The following LRRIQ1 variants were observed in gnomAD, a reference collection of about 807,000 sequenced individuals.
LRRIQ1 encodes leucine rich repeats and IQ motif containing 1, also known as leucine-rich repeat- and IQ domain-containing protein 1.
LRRIQ1 carries 210 observed loss-of-function variants against 211.9 expected under a neutral mutation model. That is an observed-to-expected ratio of 0.99 (90% CI 0.89 to 1.11). LRRIQ1 has a LOEUF of 1.11. Ranked by LOEUF, LRRIQ1 falls within the 50% of genes most tolerant of loss-of-function variation. The pLI, the probability that LRRIQ1 is intolerant of heterozygous loss-of-function variation, is 0.00. For synonymous variants in LRRIQ1, 699 were observed against 650.1 expected (o/e 1.08, Z -1.14); for missense variants, 2,136 against 1,939.5 (o/e 1.10, Z -1.90).
At chr12:85,194,757 A>G (rs1892799052) in intron 24 of LRRIQ1, among the ~76,000 whole-genome samples, 1 of 152,142 alleles carries the variant, frequency 6.6e-6, no homozygotes, top group South Asian at 2.1e-4. Context: ...ATCACAATTG[A>G]AAGAACTAGA....
downstream of LRRIQ1, among the ~76,000 whole-genome samples, chr12:85,247,388 A>G (rs1480603550): frequency 6.6e-6 from 1 of 151,564 alleles, no homozygotes; most frequent in African/African-American, 2.4e-5. Context: ...TACTTTGTGG[A>G]CTACAGCTGT....
intron 11 of LRRIQ1, among the ~76,000 whole-genome samples, chr12:85,085,233 G>A (rs1233194651): frequency 6.6e-6 from 1 of 152,202 alleles, no homozygotes; most frequent in South Asian, 2.1e-4. Context: ...TCGCAGTTCC[G>A]CACAGCTGGA....
At chr12:85,270,102 ATCACATGGAGGATTAGAGTT>A in the LRRIQ1 span, among the ~76,000 whole-genome samples, 1 of 152,070 alleles carries the variant, frequency 6.6e-6, no homozygotes, top group Non-Finnish European at 1.5e-5. Flanking sequence ...TCCAAGTACC[ATCACATGGAGGATTAGAGTT>A]TCACCATAAT....
chr12:85,137,521 T>C (rs576788047), intron 18 of LRRIQ1, among the ~76,000 whole-genome samples: 4 of 151,782 alleles, frequency 2.6e-5, no homozygotes, highest in African/African-American at 9.6e-5. Context: ...AAATGGGTTT[T>C]GCTTTGTATC....
At chr12:85,179,578 T>C (rs978739505) in intron 24 of LRRIQ1, among the ~76,000 whole-genome samples, 3 of 151,930 alleles carry the variant, frequency 2.0e-5, no homozygotes, top group African/African-American at 4.8e-5. Context: ...TCCTTGTACT[T>C]TCCTCCCCAT....
intron 24 of LRRIQ1, among the ~76,000 whole-genome samples, chr12:85,216,570 T>C (rs1156916694): frequency 6.6e-6 from 1 of 151,308 alleles, no homozygotes; most frequent in Non-Finnish European, 1.5e-5. Flanking sequence ...ACATAGTATA[T>C]GTAAAATTTT....
In LRRIQ1 at chr12:85,152,360, T is replaced by A; in HGVS notation, c.4410T>A (p.His1470Gln). 6.2e-7 allele frequency: 1 copy of A among 1,610,576 alleles called. No homozygotes were observed. The highest frequency in any genetic ancestry group is 8.5e-7 in the Non-Finnish European group (1 of 1,177,848). The change falls in exon 20 of 27, where the codon CAT (histidine) becomes CAA (glutamine). Residue 1470 changes from histidine to glutamine, a missense_variant. By Grantham distance (24) the His-to-Gln change is conservative. Transcript: ENST00000393217. ...CACTGCTTCTTTCAAACCAGCTGCA[T>A]TGGCCAAAGGTAACATGTCATGGAA... ...SQTLLLSNQL[H>Q]WPKIPGNLKW...
Position 85,154,293 on chromosome 12 carries a change from T to C in LRRIQ1, c.4720+199T>C, listed in dbSNP as rs527594777. Among the ~76,000 whole-genome samples, 416 of 136,558 alleles carry C rather than the reference T, an allele frequency of 3.0e-3. 1 individual carries two copies. Among genetic ancestry groups the C allele is most frequent in the Non-Finnish European group, 5.8e-3 (357 of 61,594 alleles). 89.6% of individuals were successfully genotyped at this position (136,558 alleles called of 152,430 possible). A position where few individuals can be genotyped will look rare whatever the true frequency, so the allele number is the denominator to read the frequency against. ...GAATGATTTATACTCTTAAACACTATTTTTACTTTTTCGGCTCTTTCTTAT... is the reference window on the plus strand; with the variant it reads ...GAATGATTTATACTCTTAAACACTACTTTTACTTTTTCGGCTCTTTCTTAT... On this transcript the variant is annotated intron_variant, in intron 23 of 26. Coordinates refer to ENST00000393217, the MANE Select transcript of LRRIQ1 (RefSeq NM_001079910.2).
intron 24 of LRRIQ1, among the ~76,000 whole-genome samples, chr12:85,221,356 A>G (rs1894395152): frequency 6.6e-6 from 1 of 152,182 alleles, no homozygotes; most frequent in South Asian, 2.1e-4. Context: ...ATTTTTGAGC[A>G]CCATCCTACT....
intron 15 of LRRIQ1, among the ~76,000 whole-genome samples, chr12:85,115,841 G>T (rs1301201204): frequency 6.6e-6 from 1 of 151,862 alleles, no homozygotes; most frequent in Non-Finnish European, 1.5e-5. Context: ...AATAAAATAT[G>T]CTTATAGTAA....
chr12:85,154,935 A>G (rs537780390), intron 23 of LRRIQ1, among the ~76,000 whole-genome samples: 1 of 151,412 alleles, frequency 6.6e-6, no homozygotes, highest in South Asian at 2.1e-4. Context: ...ATCATATGAA[A>G]AAATATTTCA....
chr12:85,190,609 G>A (rs1323556951), intron 24 of LRRIQ1, among the ~76,000 whole-genome samples: 4 of 151,246 alleles, frequency 2.6e-5, no homozygotes, highest in African/African-American at 9.7e-5. Context: ...GTATGTAAGT[G>A]TACAGTTAGA....
At chr12:85,252,670 GA>G (rs1241745733) in intron 1 of LRRIQ1, among the ~76,000 whole-genome samples, 2 of 149,272 alleles carry the variant, frequency 1.3e-5, no homozygotes, top group African/African-American at 2.5e-5. Context: ...AATCTCTCTT[GA>G]AAAAAAAATA....
Position 85,137,940 on chromosome 12 carries a change from ATAGATT to A in LRRIQ1, c.4305_4310del (p.Asp1435_Leu1436del), listed in dbSNP as rs1889252498. ...AGAATCCGATGAAGAATACAGAGAA[ATAGATT>A]TAGAGGATTTTATATTTGATGAAGT... On this transcript the variant is annotated inframe_deletion, in exon 19 of 27. Transcript: ENST00000393217. 4 of 1,489,590 alleles carry A rather than the reference ATAGATT, an allele frequency of 2.7e-6. No individual in the cohort carries two copies. In the African/African-American group the frequency reaches 4.2e-5, roughly 16 times the overall value. 92.3% of individuals were successfully genotyped at this position (1,489,590 alleles called of 1,614,324 possible). A position where few individuals can be genotyped will look rare whatever the true frequency, so the allele number is the denominator to read the frequency against.
At chr12:85,156,703 T>G (rs1397800217) in intron 23 of LRRIQ1, among the ~76,000 whole-genome samples, 1 of 151,848 alleles carries the variant, frequency 6.6e-6, no homozygotes, top group Non-Finnish European at 1.5e-5. Context: ...TTTTTAAATA[T>G]ACTTGGAGAT....
intron 24 of LRRIQ1, among the ~76,000 whole-genome samples, chr12:85,169,256 A>AT (rs1242505587): frequency 2.0e-5 from 3 of 151,976 alleles, no homozygotes; most frequent in Non-Finnish European, 2.9e-5. Flanking sequence ...TTTTTGCATG[A>AT]TTTTTTTTAT....
At chr12:85,190,472 A>G (rs1197548310) in intron 24 of LRRIQ1, among the ~76,000 whole-genome samples, 1 of 147,864 alleles carries the variant, frequency 6.8e-6, no homozygotes, top group African/African-American at 2.5e-5. Context: ...ATATTATGTA[A>G]TTATATTTAT....
chr12:85,093,878 A>G (rs951464204), intron 11 of LRRIQ1, among the ~76,000 whole-genome samples: 1 of 152,154 alleles, frequency 6.6e-6, no homozygotes, highest in Non-Finnish European at 1.5e-5. Context: ...CTCAGCTTTC[A>G]AAAGAGTTTG....
rs200601281 is a variant in LRRIQ1, at chr12:85,172,951, T to TA, written c.4822+12247dup. On this transcript the variant is annotated intron_variant, in intron 24 of 26. Transcript: ENST00000393217. ...GTGAAACCCCATCTCTACTAAAAAT[T>TA]AAAAAAAAAATAGCTGGCATGGTGG... Among the ~76,000 whole-genome samples the TA allele has an allele frequency of 6.6e-3, 971 of 147,708 alleles. 13 individuals are homozygous for TA. The highest frequency in any genetic ancestry group is 0.022 in the African/African-American group (872 of 40,372).
Sources: gnomAD v4.1 joint callset for allele counts (sites outside exome capture counted in the v4.1 genomes callset) on GRCh38, gnomAD v4.1.1 for gene constraint, MANE v1.5 for transcripts, NCBI Gene and HGNC (gene_info 2026-07-23, HGNC 2026-07-21) for gene names.